TIMM21: variants seen among roughly 807,000 people sequenced by gnomAD.
TIMM21 encodes the protein mitochondrial import inner membrane translocase subunit Tim21.
TIMM21 carries 30 observed loss-of-function variants against 27.7 expected under a neutral mutation model. The observed-to-expected ratio is 1.08, with a 90% CI of 0.81 to 1.47. TIMM21 has a LOEUF of 1.47. Ranked by LOEUF, TIMM21 falls within the 40% of genes most tolerant of loss-of-function variation. TIMM21 has a pLI of 0.00. For missense variants in TIMM21, 292 were observed against 302.9 expected (o/e 0.96, Z 0.27); for synonymous variants, 121 against 114.4 (o/e 1.06, Z -0.37).
rs916851860 is a variant in TIMM21, at chr18:74,152,404, C to T, written c.302-2741C>T. On this transcript the variant is annotated intron_variant, in intron 1 of 5. Coordinates refer to ENST00000169551, the MANE Select transcript of TIMM21 (RefSeq NM_014177.3). This position sits in a 1 kb window ranked among gnomAD's most constrained non-coding sequence, Gnocchi z 4.1. ...AGGAGGCTCCTGCCCTTGGCACTCA[C>T]CTTCACTGGTGATTAGTTACACACT... Among the ~76,000 whole-genome samples, 2 of 152,198 alleles carry T rather than the reference C, an allele frequency of 1.3e-5. No homozygotes were observed.
In TIMM21 at chr18:74,158,396, T is replaced by C; in HGVS notation, c.663T>C (p.Tyr221=). 1.9e-6 allele frequency: 3 copies of C among 1,605,580 alleles called. No homozygotes were observed. Among genetic ancestry groups the C allele is most frequent in the Non-Finnish European group, 2.6e-6 (3 of 1,174,096 alleles). The change falls in exon 6 of 6, where the codon TAT becomes TAC. Residue 221 remains tyrosine (Y), a synonymous_variant. Coordinates refer to ENST00000169551, the MANE Select transcript of TIMM21 (RefSeq NM_014177.3). The part of the protein sequence containing the change: ...QVKENPGSGE[Y]DFRYIFVEIE... ...TTCAGAACCCAGGAAGTGGTGAATA[T>C]GATTTTCGATATATATTTGTAGAAA...
intron 1 of TIMM21, among the ~76,000 whole-genome samples, chr18:74,154,455 G>A (rs1350901880): frequency 6.6e-6 from 1 of 151,958 alleles, no homozygotes; most frequent in South Asian, 2.1e-4. Context: ...TAGAGACGGC[G>A]TTTCACCGTG....
chr18:74,149,142 A>G, intron 1 of TIMM21, 33 bp downstream of exon 1: 1 of 1,586,244 alleles, frequency 6.3e-7, no homozygotes, highest in Non-Finnish European at 8.6e-7. Flanking sequence ...TTGGGCTTTC[A>G]ACAGACATGA....
At position 74,152,333 on chromosome 18, in the gene TIMM21, G is replaced by A. The variant is rs1322765704; in HGVS notation, c.302-2812G>A. Among the ~76,000 whole-genome samples the A allele has an allele frequency of 1.3e-5, 2 of 152,066 alleles. No homozygotes were observed. Among genetic ancestry groups the A allele is most frequent in the East Asian group, 1.9e-4 (1 of 5,162 alleles). ...CCCTTCCGCCCCAGACCTCACCCAC[G>A]CATTTTCTATCCTCTGGGTGCAATT... On this transcript the variant is annotated intron_variant, in intron 1 of 5. Coordinates refer to ENST00000169551, the MANE Select transcript of TIMM21 (RefSeq NM_014177.3). This position sits in a 1 kb window ranked among gnomAD's most constrained non-coding sequence, Gnocchi z 4.1.
rs1165724059 is a variant in TIMM21 at position 74,155,417 on chromosome 18, A to G, written c.462+14A>G. The G allele has an allele frequency of 6.3e-7, 1 of 1,592,718 alleles. No individual in the cohort carries two copies. The highest frequency in any genetic ancestry group is 8.6e-7 in the Non-Finnish European group (1 of 1,169,150). ...TCACATCCTGAGGTTAGTTCTCAAGATTGAGTTACATGAACTCTGATGAGG... is the reference window on the plus strand; with the variant it reads ...TCACATCCTGAGGTTAGTTCTCAAGGTTGAGTTACATGAACTCTGATGAGG... On this transcript the variant is annotated intron_variant, in intron 3 of 5. Transcript: ENST00000169551.
chr18:74,150,720 G>A (rs575287147), intron 1 of TIMM21, among the ~76,000 whole-genome samples: 12 of 152,302 alleles, frequency 7.9e-5, no homozygotes, highest in Non-Finnish European at 4.4e-5. Context: ...ACTTGGTTGA[G>A]TTTGCAGTTA....
rs3737511 is a variant in TIMM21 at position 74,148,734 on chromosome 18, C to G, written c.-75C>G. 0.037 allele frequency: 52,899 copies of G among 1,436,990 alleles called. 1,461 individuals carry two copies. Among genetic ancestry groups the G allele is most frequent in the East Asian group, 0.14 (5,917 of 43,454 alleles). 89.0% of individuals were successfully genotyped at this position (1,436,990 alleles called of 1,614,324 possible). A position where few individuals can be genotyped will look rare whatever the true frequency, so the allele number is the denominator to read the frequency against. Reference sequence around the variant, plus strand: ...GTATAGGCTTGAGTACGTGTCCGGCCGCATGTGTAGTGAACCCTAAAGCTT... The same window carrying G: ...GTATAGGCTTGAGTACGTGTCCGGCGGCATGTGTAGTGAACCCTAAAGCTT... On this transcript the variant is annotated 5_prime_UTR_variant, in exon 1 of 6. Transcript: ENST00000169551.
intron 3 of TIMM21, chr18:74,156,569 C>T (rs957565702): frequency 3.1e-6 from 1 of 322,644 alleles, no homozygotes; most frequent in African/African-American, 2.1e-5. Flanking sequence ...ATAATAGTTA[C>T]TGGGAATCCA....
chr18:74,153,610 T>G (rs1979869473), intron 1 of TIMM21, among the ~76,000 whole-genome samples: 1 of 152,244 alleles, frequency 6.6e-6, no homozygotes, highest in Non-Finnish European at 1.5e-5. Context: ...TGACAATTGT[T>G]TGAGTCAGTC....
chr18:74,156,311 A>G (rs139024003), intron 3 of TIMM21: 8 of 398,684 alleles, frequency 2.0e-5, no homozygotes, highest in South Asian at 1.3e-4. Flanking sequence ...AAAGATTTCA[A>G]TCCACAGCGT....
In TIMM21 at chr18:74,159,448, TCC is replaced by T. The variant is rs1409258655; in HGVS notation, c.*971_*972del. The T allele has an allele frequency of 6.6e-6, 1 of 152,032 alleles. No homozygotes were observed. Among genetic ancestry groups the T allele is most frequent in the African/African-American group, 2.4e-5 (1 of 41,364 alleles). The allele number at this position is 152,032 out of a possible 1,614,324, so 9.4% of individuals were successfully genotyped here. On this transcript the variant is annotated 3_prime_UTR_variant, in exon 6 of 6. Transcript: ENST00000169551. ...TCTGCGGTGGCTTCAGTGTGAGGTATCCCCTCTGATGTGTTTGTTCCTTCTCC... is the reference window on the plus strand; with the variant it reads ...TCTGCGGTGGCTTCAGTGTGAGGTATCCTCTGATGTGTTTGTTCCTTCTCC...
intron 3 of TIMM21, chr18:74,155,630 G>A (rs555191686): frequency 2.1e-6 from 1 of 485,074 alleles, no homozygotes; most frequent in Non-Finnish European, 3.6e-6. Context: ...CATTTTGCTG[G>A]TTGTTCATAG....
rs530129617 is a variant in TIMM21 at position 74,159,560 on chromosome 18, T to C, written c.*1080T>C. 6.6e-6 allele frequency: 1 copy of C among 152,276 alleles called. No individual in the cohort carries two copies. The highest frequency in any genetic ancestry group is 1.5e-5 in the Non-Finnish European group (1 of 68,028). The allele number at this position is 152,276 out of a possible 1,614,324, so 9.4% of individuals were successfully genotyped here. On this transcript the variant is annotated 3_prime_UTR_variant, in exon 6 of 6. Coordinates refer to ENST00000169551, the MANE Select transcript of TIMM21 (RefSeq NM_014177.3). The stretch of plus-strand genomic sequence containing the variant: ...TAGAGAGACCTCCAGGCAATCTATC[T>C]CCCCTTTTTACTTTATCTCCCTGCT...
At position 74,148,753 on chromosome 18, in the gene TIMM21, A is replaced by G. The variant is rs1979683286; in HGVS notation, c.-56A>G. On this transcript the variant is annotated 5_prime_UTR_variant, in exon 1 of 6. It removes the in-frame stop codon of an upstream open reading frame in the 5' UTR. Transcript: ENST00000169551. Reference sequence around the variant, plus strand: ...TCCGGCCGCATGTGTAGTGAACCCTAAAGCTTTCCTAATTGTAGTTAGCAT... The same window carrying G: ...TCCGGCCGCATGTGTAGTGAACCCTGAAGCTTTCCTAATTGTAGTTAGCAT... 13 of 1,555,920 alleles carry G rather than the reference A, an allele frequency of 8.4e-6. No individual in the cohort carries two copies. Among genetic ancestry groups the G allele is most frequent in the South Asian group, 7.1e-5 (6 of 84,978 alleles).
Position 74,152,965 on chromosome 18 carries a change from T to G in TIMM21, c.302-2180T>G, listed in dbSNP as rs142179509. On this transcript the variant is annotated intron_variant, in intron 1 of 5. Transcript: ENST00000169551. The surrounding 1 kb of genome is among the most constrained non-coding windows in gnomAD (Gnocchi z 4.1). ...CATCAACCAGGCATTGAATATGGGCTGGTCCAGGGAAGTGCCGTGACCTAA... is the reference window on the plus strand; with the variant it reads ...CATCAACCAGGCATTGAATATGGGCGGGTCCAGGGAAGTGCCGTGACCTAA... Among the ~76,000 whole-genome samples the G allele has an allele frequency of 1.4e-3, 217 of 152,322 alleles. 2 individuals are homozygous for G. The highest frequency in any genetic ancestry group is 5.0e-3 in the African/African-American group (206 of 41,562).
Position 74,157,699 on chromosome 18 carries a change from G to A in TIMM21, c.463-315G>A, listed in dbSNP as rs113258637. ...CAGCCTCTGCCTACTGGGTTCAAGC[G>A]ATTCTCCTGCCTCAGCTTCCTGAGT... On this transcript the variant is annotated intron_variant, in intron 3 of 5. Transcript: ENST00000169551. 6.4e-3 allele frequency: 1,627 copies of A among 253,542 alleles called. 10 individuals carry two copies. The highest frequency in any genetic ancestry group is 0.018 in the African/African-American group (816 of 44,330). 15.7% of individuals were successfully genotyped at this position (253,542 alleles called of 1,614,324 possible). A position where few individuals can be genotyped will look rare whatever the true frequency, so the allele number is the denominator to read the frequency against.
chr18:74,157,140 G>A (rs183741782), intron 3 of TIMM21: 2 of 152,190 alleles, frequency 1.3e-5, no homozygotes, highest in East Asian at 1.9e-4. Flanking sequence ...TTTGCATTTT[G>A]AATTCAATAA....
At position 74,148,994 on chromosome 18, in the gene TIMM21, G is replaced by A. The variant is rs1196009410; in HGVS notation, c.186G>A (p.Gln62=). 1.2e-6 allele frequency: 2 copies of A among 1,614,094 alleles called. No homozygotes were observed. The highest frequency in any genetic ancestry group is 1.3e-5 in the African/African-American group (1 of 74,934). The change falls in exon 1 of 6, where the codon CAG becomes CAA. Residue 62 remains glutamine (Q), a synonymous_variant. Coordinates refer to ENST00000169551, the MANE Select transcript of TIMM21 (RefSeq NM_014177.3). ...CTAGATGTATTCTTGGAGTCACCCA[G>A]AAAACCATCTGGACGCAGGGACCGA... ...LRPRCILGVT[Q]KTIWTQGPSP... is the part of the protein sequence containing the mutation.
Position 74,159,721 on chromosome 18 carries a change from T to C in TIMM21, c.*1241T>C, listed in dbSNP as rs1009761479. 1 of 152,242 alleles carries C rather than the reference T, an allele frequency of 6.6e-6. No homozygotes were observed. The highest frequency in any genetic ancestry group is 1.5e-5 in the Non-Finnish European group (1 of 68,054). 9.4% of individuals were successfully genotyped at this position (152,242 alleles called of 1,614,324 possible). A position where few individuals can be genotyped will look rare whatever the true frequency, so the allele number is the denominator to read the frequency against. On this transcript the variant is annotated 3_prime_UTR_variant, in exon 6 of 6. Coordinates refer to ENST00000169551, the MANE Select transcript of TIMM21 (RefSeq NM_014177.3). The stretch of plus-strand genomic sequence containing the variant: ...TAACACACTTTGACTGAATGAGGCC[T>C]TAACTTAGGCTTTCTCTCCTAATCG...
Sources: allele counts gnomAD v4.1 joint callset (sites outside exome capture counted in the v4.1 genomes callset), GRCh38; gene constraint gnomAD v4.1.1; non-coding constraint Gnocchi (gnomAD v3.1); transcripts MANE v1.5; gene names NCBI Gene and HGNC (gene_info 2026-07-23, HGNC 2026-07-21).